The following SNX8 variants were observed in gnomAD, a reference collection of about 807,000 sequenced individuals.
SNX8 encodes the protein sorting nexin 8, also known as sorting nexin-8.
In SNX8, 25 loss-of-function variants were observed where a neutral mutation model predicts 51.6. That is an observed-to-expected ratio of 0.48 (90% confidence interval 0.35 to 0.68). The LOEUF is 0.68. Among genes scored for constraint, SNX8 ranks in the 30% least tolerant of loss-of-function variants. The pLI is 0.00. For synonymous variants in SNX8, 324 were observed against 277.0 expected, an observed-to-expected ratio of 1.17 and a Z score of -1.68; for missense variants, 695 against 624.0, an observed-to-expected ratio of 1.11 and a Z score of -1.21.
rs534949757 is a variant in SNX8, at chr7:2,332,216, T to A, written c.-66+22006A>T. 4.7e-3 allele frequency among the ~76,000 whole-genome samples: 704 copies of A among 149,938 alleles called. 6 individuals are homozygous for A. Among genetic ancestry groups the A allele is most frequent in the Admixed American group, 9.7e-3 (144 of 14,868 alleles). On this transcript the variant is annotated intron_variant, in intron 1 of 5. Coordinates refer to the SNX8 transcript ENST00000435336. ...AGCCATAGGCTGTCTCAGAAAAAAATATATATATATGTATATATAATATAT... is the reference window on the plus strand; with the variant it reads ...AGCCATAGGCTGTCTCAGAAAAAAAAATATATATATGTATATATAATATAT...
chr7:2,280,034 T>C (rs1795874748), intron 1 of SNX8, among the ~76,000 whole-genome samples: 1 of 152,208 alleles, frequency 6.6e-6, no homozygotes, highest in African/African-American at 2.4e-5. Flanking sequence ...AAAAGTCATC[T>C]GGACAGACAG....
At chr7:2,305,277 G>C (rs1372036146) in intron 1 of SNX8, among the ~76,000 whole-genome samples, 1 of 152,150 alleles carries the variant, frequency 6.6e-6, no homozygotes, top group Non-Finnish European at 1.5e-5. Context: ...ACGGGACTTG[G>C]GGCATGAATA....
At chr7:2,334,609 G>T (rs1157722492) in intron 1 of SNX8, among the ~76,000 whole-genome samples, 1 of 150,044 alleles carries the variant, frequency 6.7e-6, no homozygotes, top group Non-Finnish European at 1.5e-5. Flanking sequence ...GGCTGAGGTG[G>T]GAGGATCACG....
chr7:2,288,475 C>CACAA (rs1393478634), intron 1 of SNX8: 1 of 166,358 alleles, frequency 6.0e-6, no homozygotes, highest in Non-Finnish European at 1.5e-5. Context: ...TACACACACA[C>CACAA]ACATTACAGA....
At chr7:2,269,108 G>C (rs865843567) in intron 5 of SNX8, among the ~76,000 whole-genome samples, 1 of 142,434 alleles carries the variant, frequency 7.0e-6, no homozygotes, top group Non-Finnish European at 1.6e-5. Flanking sequence ...GTGGGGAAAA[G>C]ATTGAGAAAT....
chr7:2,303,793 A>G (rs1796474620), intron 1 of SNX8, among the ~76,000 whole-genome samples: 1 of 151,988 alleles, frequency 6.6e-6, no homozygotes, highest in African/African-American at 2.4e-5. Flanking sequence ...CCTAATCTCA[A>G]GTACCCAGGG....
intron 1 of SNX8, among the ~76,000 whole-genome samples, chr7:2,327,165 A>G (rs1778636015): frequency 6.6e-6 from 1 of 152,048 alleles, no homozygotes; most frequent in Non-Finnish European, 1.5e-5. Flanking sequence ...ACGTCACCTC[A>G]GTCTCTGCCT....
chr7:2,290,065 C>T (rs1796118356), intron 1 of SNX8, among the ~76,000 whole-genome samples: 2 of 152,022 alleles, frequency 1.3e-5, no homozygotes, highest in South Asian at 4.2e-4. Context: ...TGGTGGTGCG[C>T]ACCTGTAATC....
At chr7:2,327,744 G>C (rs546565133) in intron 1 of SNX8, among the ~76,000 whole-genome samples, 4 of 151,478 alleles carry the variant, frequency 2.6e-5, no homozygotes, top group East Asian at 1.9e-4. Context: ...GGGTTTCACC[G>C]TGTTAGCCAG....
chr7:2,254,763 G>C lies in SNX8; in HGVS notation c.*293C>G, dbSNP rs1273830772. 4.3e-6 allele frequency: 2 copies of C among 465,324 alleles called. No individual in the cohort carries two copies. The highest frequency in any genetic ancestry group is 2.0e-5 in the African/African-American group (1 of 50,020). The allele number at this position is 465,324 out of a possible 1,614,324, so 28.8% of individuals were successfully genotyped here. A position where few individuals can be genotyped will look rare whatever the true frequency, so the allele number is the denominator to read the frequency against. On this transcript the variant is annotated 3_prime_UTR_variant, in exon 11 of 11. Coordinates refer to ENST00000222990, the MANE Select transcript of SNX8 (RefSeq NM_013321.4). Reference sequence around the variant, plus strand: ...CCCAGGCACAATCTCTGTGAGATGAGAGATCCCTGCCTCCCCGCACAGCTC... The same window carrying C: ...CCCAGGCACAATCTCTGTGAGATGACAGATCCCTGCCTCCCCGCACAGCTC...
rs1795061386 is a variant in SNX8, at chr7:2,252,540, C to T, written c.*2516G>A. 6.6e-6 allele frequency: 1 copy of T among 152,562 alleles called. No homozygotes were observed. The highest frequency in any genetic ancestry group is 1.5e-5 in the Non-Finnish European group (1 of 68,300). 9.5% of individuals were successfully genotyped at this position (152,562 alleles called of 1,614,324 possible). A position where few individuals can be genotyped will look rare whatever the true frequency, so the allele number is the denominator to read the frequency against. On this transcript the variant is annotated 3_prime_UTR_variant, in exon 11 of 11. Coordinates refer to ENST00000222990, the MANE Select transcript of SNX8 (RefSeq NM_013321.4). ...AGGTGTTCCAAAGCCAGTGCCCACC[C>T]CTCCACAGAGCCAACCCCAGGGCAC...
intron 1 of SNX8, among the ~76,000 whole-genome samples, chr7:2,353,779 T>G (rs901768415): frequency 6.6e-6 from 1 of 152,134 alleles, no homozygotes; most frequent in African/African-American, 2.4e-5. Context: ...TTCGTAGAGA[T>G]GAGGGCTGGC....
intron 1 of SNX8, among the ~76,000 whole-genome samples, chr7:2,339,314 T>C (rs1245176466): frequency 6.6e-6 from 1 of 152,088 alleles, no homozygotes; most frequent in Non-Finnish European, 1.5e-5. Context: ...CAGGCAATTC[T>C]CCTGCCTCAG....
chr7:2,284,493 CCGGG>C (rs1795977919), intron 1 of SNX8, among the ~76,000 whole-genome samples: 1 of 149,576 alleles, frequency 6.7e-6, no homozygotes, highest in Admixed American at 6.8e-5. Context: ...TCTCCGCCTC[CCGGG>C]TTTAAGCGAT....
intron 1 of SNX8, among the ~76,000 whole-genome samples, chr7:2,343,185 C>T (rs558713417): frequency 2.6e-4 from 39 of 152,004 alleles, no homozygotes; most frequent in African/African-American, 9.4e-4. Context: ...CCCACCTTGG[C>T]CTCCCAAAGT....
upstream of SNX8, chr7:2,314,539 G>T: frequency 1.0e-6 from 1 of 1,002,552 alleles, no homozygotes; most frequent in Non-Finnish European, 1.2e-6. Flanking sequence ...CGCGCGCCAC[G>T]CCCACAGTCC....
intron 1 of SNX8, among the ~76,000 whole-genome samples, chr7:2,299,099 G>A (rs916317518): frequency 1.3e-5 from 2 of 152,014 alleles, no homozygotes; most frequent in African/African-American, 2.4e-5. Flanking sequence ...AGAGAGCTAG[G>A]TTCCTCGATA....
At chr7:2,272,974 C>A (rs1216478235) in intron 3 of SNX8, among the ~76,000 whole-genome samples, 1 of 151,874 alleles carries the variant, frequency 6.6e-6, no homozygotes, top group Admixed American at 6.6e-5. Context: ...GCTGGGATTA[C>A]AGGCACCCGC....
chr7:2,353,089 T>C (rs956157721), intron 1 of SNX8, among the ~76,000 whole-genome samples: 2 of 151,894 alleles, frequency 1.3e-5, no homozygotes, highest in Non-Finnish European at 2.9e-5. Flanking sequence ...AGGCCAGGAG[T>C]TTGAGACCAG....
Sources: allele counts gnomAD v4.1 joint callset (sites outside exome capture counted in the v4.1 genomes callset), GRCh38; gene constraint gnomAD v4.1.1; transcripts MANE v1.5; gene names NCBI Gene and HGNC (gene_info 2026-07-23, HGNC 2026-07-21).